NOS1: variants seen among roughly 807,000 people sequenced by gnomAD.
The protein encoded by NOS1 is nitric oxide synthase 1, also known as NOS type I.
In NOS1, 51 loss-of-function variants were observed where a neutral mutation model predicts 164.5. That is an observed-to-expected ratio of 0.31 (90% CI 0.25 to 0.39). The LOEUF (loss-of-function observed/expected upper bound fraction) is 0.39, where lower values mean the gene tolerates loss of function less well. Among genes scored for constraint, NOS1 ranks in the 10% least tolerant of loss-of-function variants. The pLI, the probability that NOS1 is intolerant of heterozygous loss-of-function variation, is 1.00. For missense variants in NOS1, 1,362 were observed against 1,885.6 expected, an observed-to-expected ratio of 0.72 and a Z score of 5.14; for synonymous variants, 719 against 745.8, an observed-to-expected ratio of 0.96 and a Z score of 0.59.
intron 9 of NOS1, among the ~76,000 whole-genome samples, chr12:117,276,447 G>A (rs1366645374): frequency 6.6e-6 from 1 of 151,996 alleles, no homozygotes; most frequent in Non-Finnish European, 1.5e-5. Context: ...CATGCCCAGG[G>A]AATTTTTGTA....
At chr12:117,283,419 A>G (rs1204908221) in intron 7 of NOS1, among the ~76,000 whole-genome samples, 1 of 152,188 alleles carries the variant, frequency 6.6e-6, no homozygotes, top group East Asian at 1.9e-4. Context: ...GTTAAAAACT[A>G]TAGAAAGAAA....
chr12:117,214,311 G>A lies in NOS1; in HGVS notation c.*998C>T. On this transcript the variant is annotated 3_prime_UTR_variant, in exon 29 of 29. Transcript: ENST00000317775. Reference sequence around the variant, plus strand: ...TGACATTATGACTAGGAAAAACTGAGGACAAGTGACCCATCCAAAGTCATC... The same window carrying A: ...TGACATTATGACTAGGAAAAACTGAAGACAAGTGACCCATCCAAAGTCATC... The A allele has an allele frequency of 1.0e-6, 1 of 985,390 alleles. No homozygotes were observed. The highest frequency in any genetic ancestry group is 4.7e-5 in the South Asian group (1 of 21,292). The allele number at this position is 985,390 out of a possible 1,614,324, so 61.0% of individuals were successfully genotyped here.
At position 117,336,299 on chromosome 12, in the gene NOS1, G is replaced by T. The variant is rs207473421; in HGVS notation, c.-420-4810C>A. ...TTTTTAGCATTGAAAGATGAAGAAT[G>T]TTAGGATGAAGAGGAGCCACCAAGC... On this transcript the variant is annotated intron_variant, in intron 1 of 28. Coordinates refer to ENST00000317775, the MANE Select transcript of NOS1 (RefSeq NM_000620.5). 1.4e-4 allele frequency among the ~76,000 whole-genome samples: 21 copies of T among 152,292 alleles called. No individual in the cohort carries two copies. The South Asian group carries it at 3.9e-3, about 29-fold the overall frequency.
chr12:117,253,862 T>C (rs1202960809), intron 16 of NOS1, 108 bp from the exon 17 acceptor site: 2 of 736,004 alleles, frequency 2.7e-6, no homozygotes, highest in African/African-American at 1.8e-5. Context: ...GGCCTTCTCT[T>C]GTATGTTGAG....
chr12:117,211,911 A>T lies in NOS1; in HGVS notation c.*3398T>A, dbSNP rs897672685. 1.3e-6 allele frequency: 1 copy of T among 755,458 alleles called. No individual in the cohort carries two copies. Among genetic ancestry groups the T allele is most frequent in the Admixed American group, 6.3e-5 (1 of 15,958 alleles). The allele number at this position is 755,458 out of a possible 1,614,324, so 46.8% of individuals were successfully genotyped here. A position where few individuals can be genotyped will look rare whatever the true frequency, so the allele number is the denominator to read the frequency against. On this transcript the variant is annotated 3_prime_UTR_variant, in exon 29 of 29. Transcript: ENST00000317775. ...GAAACCCTGACTCTACTAAAAATAC[A>T]AAACTTAGCTGGGCGTGGTGGTAGG...
At chr12:117,327,875 C>A (rs1237712208) in intron 2 of NOS1, among the ~76,000 whole-genome samples, 1 of 152,106 alleles carries the variant, frequency 6.6e-6, no homozygotes, top group Non-Finnish European at 1.5e-5. Context: ...TGTGATGGAG[C>A]CCCTGTCTTA....
chr12:117,241,992 G>C (rs1241268935), intron 20 of NOS1, among the ~76,000 whole-genome samples: 3 of 152,188 alleles, frequency 2.0e-5, no homozygotes, highest in Non-Finnish European at 4.4e-5. Flanking sequence ...ACAGGAGATT[G>C]GTCAATGTTG....
intron 8 of NOS1, among the ~76,000 whole-genome samples, chr12:117,278,300 T>C (rs972852740): frequency 2.0e-5 from 3 of 152,242 alleles, no homozygotes; most frequent in African/African-American, 7.2e-5. Flanking sequence ...GCAAAAGTAA[T>C]TGCGGGTTTT....
At chr12:117,269,344 A>G (rs1872641141) in intron 10 of NOS1, among the ~76,000 whole-genome samples, 1 of 151,958 alleles carries the variant, frequency 6.6e-6, no homozygotes, top group Non-Finnish European at 1.5e-5. Context: ...GGTGGTACAT[A>G]AGGGGTAATT....
At chr12:117,317,061 A>G (rs954759309) in intron 2 of NOS1, among the ~76,000 whole-genome samples, 4 of 151,986 alleles carry the variant, frequency 2.6e-5, no homozygotes, top group Non-Finnish European at 5.9e-5. Flanking sequence ...TTGTATTTTT[A>G]GTAGAGACAG....
rs557102444 is a variant in NOS1 at position 117,247,314 on chromosome 12, A to G, written c.2823+34T>C. 5.5e-5 allele frequency: 85 copies of G among 1,538,692 alleles called. No individual in the cohort carries two copies. The South Asian group carries it at 1.0e-3, about 18-fold the overall frequency. On this transcript the variant is annotated intron_variant, in intron 18 of 28. Coordinates refer to ENST00000317775, the MANE Select transcript of NOS1 (RefSeq NM_000620.5). ...TGTCTTTGGGGGTGTGGGGAGCATT[A>G]CTTTTTCCTGTAGGTCCATGAGATC...
Position 117,268,799 on chromosome 12 carries a change from G to T in NOS1, c.1840-655C>A, listed in dbSNP as rs373716955. 1.8e-4 allele frequency among the ~76,000 whole-genome samples: 27 copies of T among 148,338 alleles called. No individual in the cohort carries two copies. The East Asian group carries it at 5.0e-3, about 27-fold the overall frequency. On this transcript the variant is annotated intron_variant, in intron 10 of 28. Coordinates refer to ENST00000317775, the MANE Select transcript of NOS1 (RefSeq NM_000620.5). ...TTTTTAGTAGAGAGGGGGTTTCACCGTGTTAGCCAGGATGGTCTCGATCTC... is the reference window on the plus strand; with the variant it reads ...TTTTTAGTAGAGAGGGGGTTTCACCTTGTTAGCCAGGATGGTCTCGATCTC...
intron 9 of NOS1, among the ~76,000 whole-genome samples, chr12:117,274,769 CAAAAAAAAAA>C (rs71099039): frequency 1.3e-5 from 1 of 77,018 alleles, no homozygotes; most frequent in Non-Finnish European, 2.2e-5. Flanking sequence ...CTCCGTCTCA[CAAAAAAAAAA>C]AAAAAAAAAA....
intron 25 of NOS1, among the ~76,000 whole-genome samples, chr12:117,223,604 TCTCA>T: frequency 6.6e-6 from 1 of 151,556 alleles, no homozygotes; most frequent in Non-Finnish European, 1.5e-5. Context: ...TAAGATGGAG[TCTCA>T]CTATGTTGCC....
At chr12:117,216,034 C>T (rs1415635350) in intron 28 of NOS1, among the ~76,000 whole-genome samples, 1 of 151,688 alleles carries the variant, frequency 6.6e-6, no homozygotes, top group Admixed American at 6.6e-5. Flanking sequence ...CATGCTACCA[C>T]ACCTGGCTAA....
Position 117,295,586 on chromosome 12 carries a change from C to T in NOS1, c.853-5160G>A, listed in dbSNP as rs185903996. On this transcript the variant is annotated intron_variant, in intron 3 of 28. Coordinates refer to ENST00000317775, the MANE Select transcript of NOS1 (RefSeq NM_000620.5). ...CCGATCACTGCGTTTGCTCAAATGC[C>T]GTCATGTTAGAGATCTTTCCTGATC... is the stretch of plus-strand genomic sequence containing the variant. Among the ~76,000 whole-genome samples the T allele has an allele frequency of 5.3e-5, 8 of 150,244 alleles. No homozygotes were observed. The South Asian group carries it at 6.4e-4, about 12-fold the overall frequency.
intron 2 of NOS1, among the ~76,000 whole-genome samples, chr12:117,312,121 C>G (rs1046596904): frequency 6.6e-6 from 1 of 151,824 alleles, no homozygotes; most frequent in African/African-American, 2.4e-5. Flanking sequence ...CAGAATGATT[C>G]GGAAAATAAA....
chr12:117,224,581 G>A (rs190439448), intron 25 of NOS1, among the ~76,000 whole-genome samples: 4 of 152,290 alleles, frequency 2.6e-5, no homozygotes, highest in Non-Finnish European at 2.9e-5. Flanking sequence ...CACCGCGCCC[G>A]GCCAATAAAT....
rs372991443 is a variant in NOS1 at position 117,220,189 on chromosome 12, G to A, written c.4056C>T (p.Tyr1352=). 234 of 1,613,806 alleles carry A rather than the reference G, an allele frequency of 1.4e-4. No individual in the cohort carries two copies. Among genetic ancestry groups the A allele is most frequent in the East Asian group, 3.1e-4 (14 of 44,890 alleles). The change falls in exon 27 of 29, where the codon TAC becomes TAT. Residue 1352 remains tyrosine (Y), a synonymous_variant. Transcript: ENST00000317775. ...RALKEQGGHI[Y]VCGDVTMAAD... is the part of the protein sequence containing the mutation. ...CAGCCATGGTGACGTCCCCACAGAC[G>A]TATATGTGGCCCCCTTGCTCCTTCA...
Sources: allele counts gnomAD v4.1 joint callset (sites outside exome capture counted in the v4.1 genomes callset), GRCh38; gene constraint gnomAD v4.1.1; transcripts MANE v1.5; gene names NCBI Gene and HGNC (gene_info 2026-07-23, HGNC 2026-07-21).